KBTBD12: variants seen among roughly 807,000 people sequenced by gnomAD.
KBTBD12 encodes kelch repeat and BTB domain-containing protein 12.
A neutral mutation model predicts 58.7 loss-of-function variants in KBTBD12; 53 were observed. The ratio of observed to expected loss-of-function variants is 0.90; its 90% CI spans 0.72 to 1.14. The LOEUF is 1.14. Ranked by LOEUF, KBTBD12 falls within the 50% of genes most tolerant of loss-of-function variation. The probability of loss-of-function intolerance (pLI) is 0.00; values close to 1 mark genes in which losing one functional copy is unlikely to be tolerated. For missense variants in KBTBD12, 704 were observed against 751.3 expected, an observed-to-expected ratio of 0.94 and a Z score of 0.74; for synonymous variants, 236 against 259.8, an observed-to-expected ratio of 0.91 and a Z score of 0.88.
intron 5 of KBTBD12, among the ~76,000 whole-genome samples, chr3:127,968,235 T>C (rs1940616857): frequency 6.6e-6 from 1 of 152,200 alleles, no homozygotes; most frequent in African/African-American, 2.4e-5. Context: ...ACTTATAAAA[T>C]CCCAGACTCT....
intron 5 of KBTBD12, among the ~76,000 whole-genome samples, chr3:127,974,941 C>A (rs1361178061): frequency 4.6e-5 from 7 of 152,176 alleles, no homozygotes; most frequent in Admixed American, 4.6e-4. Context: ...CCACTGCACT[C>A]CAGCCTGGGT....
At position 127,927,949 on chromosome 3, in the gene KBTBD12, T is replaced by G. The variant is rs765977602; in HGVS notation, c.1256T>G (p.Val419Gly). Reference protein sequence around the residue: ...YSVERDNWKRVSPLPLQLACH... With the variant: ...YSVERDNWKRGSPLPLQLACH... ...GTAGAACGGGACAATTGGAAAAGGG[T>G]GTCTCCCCTTCCACTGCAATTGGCA... Residue 419 changes from valine to glycine, a missense_variant, in exon 3 of 6, where the codon GTG becomes GGG. Physicochemically the swap from Val to Gly is moderately radical, Grantham distance 109 (BLOSUM62 -3). Coordinates refer to ENST00000405109, the MANE Select transcript of KBTBD12 (RefSeq NM_207335.4). The G allele has an allele frequency of 6.2e-7, 1 of 1,612,760 alleles. No individual in the cohort carries two copies. Among genetic ancestry groups the G allele is most frequent in the Non-Finnish European group, 8.5e-7 (1 of 1,178,952 alleles).
intron 4 of KBTBD12, among the ~76,000 whole-genome samples, chr3:127,952,401 A>C (rs1002547739): frequency 6.6e-6 from 1 of 152,184 alleles, no homozygotes; most frequent in African/African-American, 2.4e-5. Flanking sequence ...AAGGCCACAA[A>C]TTACAGGGTT....
intron 4 of KBTBD12, among the ~76,000 whole-genome samples, chr3:127,962,496 A>G (rs1035681630): frequency 2.6e-5 from 4 of 152,272 alleles, no homozygotes; most frequent in African/African-American, 9.6e-5. Flanking sequence ...TTATTTGCAA[A>G]CACGGCCCTT....
intron 1 of KBTBD12, among the ~76,000 whole-genome samples, 157 bp from the exon 2 acceptor site, chr3:127,922,793 A>G (rs1939449116): frequency 6.6e-6 from 1 of 152,206 alleles, no homozygotes; most frequent in South Asian, 2.1e-4. Flanking sequence ...TACGTAATCA[A>G]AATTAATATT....
chr3:127,915,799 C>G (rs1479340316), intron 1 of KBTBD12, among the ~76,000 whole-genome samples: 3 of 152,246 alleles, frequency 2.0e-5, no homozygotes, highest in African/African-American at 7.2e-5. Flanking sequence ...CGTCTCCGAC[C>G]TTCACCGTCG....
At position 127,923,609 on chromosome 3, in the gene KBTBD12, C is replaced by A; in HGVS notation, c.548C>A (p.Ser183Ter). ...EVHQFLTLIK[S>*]DDLNISREES... ...CACCAATTTTTGACACTTATTAAAT[C>A]AGATGATCTTAACATATCCAGAGAA... The change falls in exon 2 of 6, where the codon TCA becomes TAA. Residue 183 changes from serine to a stop codon, truncating the protein, a stop_gained. Transcript: ENST00000405109. LOFTEE classifies it high-confidence loss of function. 6.2e-7 allele frequency: 1 copy of A among 1,613,632 alleles called. No individual in the cohort carries two copies. Among genetic ancestry groups the A allele is most frequent in the South Asian group, 1.1e-5 (1 of 91,024 alleles).
At chr3:127,932,180 G>T (rs561058316) in intron 4 of KBTBD12, among the ~76,000 whole-genome samples, 1 of 152,212 alleles carries the variant, frequency 6.6e-6, no homozygotes, top group East Asian at 1.9e-4. Context: ...ACAGATTCAT[G>T]ATCACCCCAG....
At chr3:127,948,032 G>C (rs1286950568) in intron 4 of KBTBD12, among the ~76,000 whole-genome samples, 1 of 152,074 alleles carries the variant, frequency 6.6e-6, no homozygotes, top group Non-Finnish European at 1.5e-5. Flanking sequence ...TGGAAGAATG[G>C]TTATCATACC....
Position 127,922,961 on chromosome 3 carries a change from G to T in KBTBD12, c.-101G>T. ...TTTCTTTCCCTTAGAAATGTTTCCT[G>T]ACATCTTTGTAGCTTCATGAGTAAT... On this transcript the variant is annotated 5_prime_UTR_variant, in exon 2 of 6. Transcript: ENST00000405109. 1 of 679,586 alleles carries T rather than the reference G, an allele frequency of 1.5e-6. No homozygotes were observed. The highest frequency in any genetic ancestry group is 2.5e-6 in the Non-Finnish European group (1 of 402,776). The allele number at this position is 679,586 out of a possible 1,614,324, so 42.1% of individuals were successfully genotyped here. A position where few individuals can be genotyped will look rare whatever the true frequency, so the allele number is the denominator to read the frequency against.
chr3:127,965,394 G>C (rs1209876914), intron 5 of KBTBD12, among the ~76,000 whole-genome samples: 1 of 152,178 alleles, frequency 6.6e-6, no homozygotes, highest in Non-Finnish European at 1.5e-5. Flanking sequence ...ATGGTAGATT[G>C]TTTGGGATTC....
rs761118098 is a variant in KBTBD12, at chr3:127,930,231, C to T, written c.1440C>T (p.Tyr480=). 2.8e-5 allele frequency: 45 copies of T among 1,610,914 alleles called. 1 individual carries two copies. In the East Asian group the frequency reaches 1.0e-3, roughly 36 times the overall value. Residue 480 remains tyrosine, a synonymous_variant, in exon 4 of 6, where the codon TAC becomes TAT. Transcript: ENST00000405109. ...DQWSVRAPMK[Y]SKYRFSTAVV... ...GGAGTGTGCGGGCACCCATGAAGTA[C>T]TCTAAGTACCGATTCAGTACAGCTG... is the stretch of plus-strand genomic sequence containing the variant.
chr3:127,925,066 A>T (rs1490108971), intron 2 of KBTBD12, among the ~76,000 whole-genome samples: 1 of 152,220 alleles, frequency 6.6e-6, no homozygotes, highest in Non-Finnish European at 1.5e-5. Flanking sequence ...CTAAAGAGGG[A>T]ATGAAGAGGT....
chr3:127,922,578 A>C (rs905944442), intron 1 of KBTBD12, among the ~76,000 whole-genome samples: 1 of 152,122 alleles, frequency 6.6e-6, no homozygotes, highest in Non-Finnish European at 1.5e-5. Flanking sequence ...GTGATTTTGC[A>C]TCTCCTTGGA....
chr3:127,959,374 T>TGAAGCCTGAGAGGAAGGCTCTGCCC (rs1940385446), intron 4 of KBTBD12, among the ~76,000 whole-genome samples: 1 of 152,252 alleles, frequency 6.6e-6, no homozygotes, highest in African/African-American at 2.4e-5. Context: ...TCCCTCTGCC[T>TGAAGCCTGAGAGGAAGGCTCTGCCC]GAAGCCTGAG....
At chr3:127,946,413 A>G (rs1021768747) in intron 4 of KBTBD12, among the ~76,000 whole-genome samples, 1 of 152,224 alleles carries the variant, frequency 6.6e-6, no homozygotes, top group Non-Finnish European at 1.5e-5. Context: ...AGAATTATAT[A>G]TCGGCAGTAT....
At chr3:127,934,954 C>T (rs1939794492) in intron 4 of KBTBD12, among the ~76,000 whole-genome samples, 1 of 152,084 alleles carries the variant, frequency 6.6e-6, no homozygotes. Flanking sequence ...TAGACAGTAA[C>T]CTGTGTCCAC....
intron 4 of KBTBD12, among the ~76,000 whole-genome samples, chr3:127,956,959 T>C (rs555350796): frequency 8.5e-5 from 13 of 152,352 alleles, no homozygotes; most frequent in Admixed American, 7.8e-4. Context: ...CTATATTTGG[T>C]ATCTTCAGTT....
intron 4 of KBTBD12, among the ~76,000 whole-genome samples, chr3:127,936,025 A>G (rs753004730): frequency 3.3e-5 from 5 of 152,202 alleles, no homozygotes; most frequent in Non-Finnish European, 5.9e-5. Flanking sequence ...TATATCAATT[A>G]TAAACGTGTC....
Sources: allele counts gnomAD v4.1 joint callset (sites outside exome capture counted in the v4.1 genomes callset), GRCh38; gene constraint gnomAD v4.1.1; transcripts MANE v1.5; gene names NCBI Gene and HGNC (gene_info 2026-07-23, HGNC 2026-07-21).